SIRT5: variants seen among roughly 807,000 people sequenced by gnomAD.
The protein encoded by SIRT5 is sirtuin 5.
SIRT5 carries 26 observed loss-of-function variants against 40.0 expected under a neutral mutation model. The observed-to-expected ratio is 0.65, with a 90% CI of 0.48 to 0.90. The LOEUF (loss-of-function observed/expected upper bound fraction) is 0.90, where lower values mean the gene tolerates loss of function less well. SIRT5 is among the 40% of genes least tolerant of loss of function. The probability of loss-of-function intolerance (pLI) is 0.00; values close to 1 mark genes in which losing one functional copy is unlikely to be tolerated. For missense variants in SIRT5, 401 were observed against 402.4 expected, an observed-to-expected ratio of 1.00 and a Z score of 0.03; for synonymous variants, 146 against 149.1, an observed-to-expected ratio of 0.98 and a Z score of 0.15.
At chr6:13,578,310 T>A (rs778583020) in intron 1 of SIRT5, among the ~76,000 whole-genome samples, 3 of 152,182 alleles carry the variant, frequency 2.0e-5, no homozygotes, top group Non-Finnish European at 4.4e-5. Context: ...AATACTGGCC[T>A]CCTAAAATGA....
At chr6:13,582,694 C>A (rs1334434104) in intron 2 of SIRT5, among the ~76,000 whole-genome samples, 1 of 151,084 alleles carries the variant, frequency 6.6e-6, no homozygotes, top group Non-Finnish European at 1.5e-5. Context: ...TATTTTCTGC[C>A]CCCACAGTTT....
intron 7 of SIRT5, among the ~76,000 whole-genome samples, chr6:13,597,731 G>A (rs1182377440): frequency 6.6e-6 from 1 of 151,792 alleles, no homozygotes; most frequent in Non-Finnish European, 1.5e-5. Flanking sequence ...TTTTTAGCAG[G>A]GATGAGGTTT....
At chr6:13,574,347 C>G (rs1411993483), upstream of SIRT5, among the ~76,000 whole-genome samples, 1 of 152,086 alleles carries the variant, frequency 6.6e-6, no homozygotes, top group African/African-American at 2.4e-5. Context: ...TCCGCGGCCT[C>G]TCCCGCTCGG....
rs114716154 is a variant in SIRT5 at position 13,610,113 on chromosome 6, C to T, written c.858-1677C>T. ...TCCGGAGTTGCTGGGACTACAAGCTCGTGTCACCACGCATGGTTGTTTTTA... is the reference window on the plus strand; with the variant it reads ...TCCGGAGTTGCTGGGACTACAAGCTTGTGTCACCACGCATGGTTGTTTTTA... On this transcript the variant is annotated intron_variant, in intron 9 of 9. Transcript: ENST00000606117. 2.5e-3 allele frequency among the ~76,000 whole-genome samples: 385 copies of T among 152,226 alleles called. 2 individuals carry two copies. The highest frequency in any genetic ancestry group is 8.5e-3 in the African/African-American group (354 of 41,540).
Position 13,599,141 on chromosome 6 carries a change from G to A in SIRT5, c.727G>A (p.Asp243Asn). ...GGTTGACAGAGAGCTCGCCCACTGT[G>A]ATTTATGTCTAGTGGTGGGTCATGC... Reference protein sequence around the residue: ...EEVDRELAHCDLCLVVGTSSV... With the variant: ...EEVDRELAHCNLCLVVGTSSV... Residue 243 changes from aspartate (D) to asparagine (N), a missense_variant, in exon 8 of 10, where the codon GAT becomes AAT. By Grantham distance (23) the Asp-to-Asn change is conservative (BLOSUM62 1). Coordinates refer to ENST00000606117, the MANE Select transcript of SIRT5 (RefSeq NM_012241.5). The A allele has an allele frequency of 6.2e-7, 1 of 1,613,988 alleles. No individual in the cohort carries two copies. Among genetic ancestry groups the A allele is most frequent in the South Asian group, 1.1e-5 (1 of 91,020 alleles).
intron 4 of SIRT5, among the ~76,000 whole-genome samples, chr6:13,590,166 C>T (rs558262562): frequency 2.0e-5 from 3 of 152,252 alleles, no homozygotes; most frequent in African/African-American, 7.2e-5. Context: ...AAAATGCACC[C>T]ATGTGCATTG....
chr6:13,586,666 C>A (rs1760122346), intron 3 of SIRT5, among the ~76,000 whole-genome samples: 1 of 152,102 alleles, frequency 6.6e-6, no homozygotes, highest in Admixed American at 6.5e-5. Context: ...GCCTATTCTT[C>A]TTCTGAATTC....
In SIRT5 at chr6:13,579,309, A is replaced by G. The variant is rs368461865; in HGVS notation, c.-194-142A>G. 3 of 152,342 alleles carry G rather than the reference A, an allele frequency of 2.0e-5. No homozygotes were observed. In the East Asian group the frequency reaches 5.8e-4, roughly 29 times the overall value. 9.4% of individuals were successfully genotyped at this position (152,342 alleles called of 1,614,324 possible). On this transcript the variant is annotated intron_variant, in intron 1 of 9. Coordinates refer to ENST00000606117, the MANE Select transcript of SIRT5 (RefSeq NM_012241.5). The stretch of plus-strand genomic sequence containing the variant: ...ACTAAGAAAATAGTTTTATGTTATG[A>G]ACATTTACGATCTTGGGAATAATTC...
chr6:13,606,123 A>G (rs1763070118), intron 9 of SIRT5, among the ~76,000 whole-genome samples: 1 of 152,234 alleles, frequency 6.6e-6, no homozygotes, highest in Non-Finnish European at 1.5e-5. Context: ...GTGCTAAGAG[A>G]CTGCACAAAG....
intron 8 of SIRT5, among the ~76,000 whole-genome samples, chr6:13,599,360 G>A (rs1454143052): frequency 6.6e-6 from 1 of 151,986 alleles, no homozygotes; most frequent in Non-Finnish European, 1.5e-5. Context: ...ATAAGAATTT[G>A]TATTAAAATA....
At chr6:13,604,675 G>C (rs1762870558) in intron 9 of SIRT5, 6 of 1,396,392 alleles carry the variant, frequency 4.3e-6, no homozygotes, top group Non-Finnish European at 5.5e-6. Context: ...TATGGTGGCT[G>C]TGTCTTCATG....
chr6:13,607,396 A>T lies in SIRT5; in HGVS notation c.858-4394A>T, dbSNP rs1158135843. On this transcript the variant is annotated intron_variant, in intron 9 of 9. Coordinates refer to ENST00000606117, the MANE Select transcript of SIRT5 (RefSeq NM_012241.5). The surrounding 1 kb of genome is among the most constrained non-coding windows in gnomAD (Gnocchi z 4.0). ...GTCTTCCCCCATCTTTTACACCTAC[A>T]CCTAATTTAACCAAATTATATTTAG... is the stretch of plus-strand genomic sequence containing the variant. Among the ~76,000 whole-genome samples the T allele has an allele frequency of 6.6e-6, 1 of 151,944 alleles. No individual in the cohort carries two copies. The highest frequency in any genetic ancestry group is 2.4e-5 in the African/African-American group (1 of 41,358).
rs565902178 is a variant in SIRT5, at chr6:13,576,543, T to C, written c.-195+1799T>C. 5.3e-5 allele frequency among the ~76,000 whole-genome samples: 8 copies of C among 152,336 alleles called. No individual in the cohort carries two copies. The South Asian group carries it at 1.0e-3, about 20-fold the overall frequency. On this transcript the variant is annotated intron_variant, in intron 1 of 9. Transcript: ENST00000606117. ...GCTGTTGAGTTTTTTGAGTTTCTTA[T>C]ATATTTTAGATAAGAGCCCCTTATC...
intron 9 of SIRT5, among the ~76,000 whole-genome samples, chr6:13,602,431 G>C (rs915358361): frequency 2.0e-5 from 3 of 151,818 alleles, no homozygotes; most frequent in Non-Finnish European, 2.9e-5. Context: ...ACCTGGGAGG[G>C]GGAGGTTGCA....
rs558393256 is a variant in SIRT5 at position 13,604,439 on chromosome 6, TC to T, written c.857+3494del. The T allele has an allele frequency of 4.4e-4, 540 of 1,220,752 alleles. 1 individual carries two copies. In the African/African-American group the frequency reaches 7.0e-3, roughly 16 times the overall value. 75.6% of individuals were successfully genotyped at this position (1,220,752 alleles called of 1,614,324 possible). On this transcript the variant is annotated intron_variant, in intron 9 of 9. Coordinates refer to ENST00000606117, the MANE Select transcript of SIRT5 (RefSeq NM_012241.5). Reference sequence around the variant, plus strand: ...TTTGTGAAGCAGGACCTGAGCTATGTCCCCAGTTTGGTTCTTCTAATGTGGT... The same window carrying T: ...TTTGTGAAGCAGGACCTGAGCTATGTCCCAGTTTGGTTCTTCTAATGTGGT...
At chr6:13,597,842 G>A (rs147697737) in intron 7 of SIRT5, among the ~76,000 whole-genome samples, 8 of 152,106 alleles carry the variant, frequency 5.3e-5, no homozygotes, top group South Asian at 2.1e-4. Context: ...CACTGCACCC[G>A]GCTGGATTAG....
At chr6:13,610,769 G>A (rs930164711) in intron 9 of SIRT5, among the ~76,000 whole-genome samples, 1 of 152,148 alleles carries the variant, frequency 6.6e-6, no homozygotes, top group African/African-American at 2.4e-5. Context: ...GGGGGCAGAC[G>A]GACTGGAGAT....
chr6:13,588,518 A>C, intron 4 of SIRT5, 54 bp downstream of exon 4: 12 of 1,579,252 alleles, frequency 7.6e-6, no homozygotes, highest in Non-Finnish European at 1.0e-5. Flanking sequence ...ACCATAACAG[A>C]GTTTGACTCA....
At chr6:13,595,274 A>G (rs1761417422) in intron 5 of SIRT5, among the ~76,000 whole-genome samples, 1 of 152,190 alleles carries the variant, frequency 6.6e-6, no homozygotes, top group South Asian at 2.1e-4. Flanking sequence ...CTCAGGAGGC[A>G]AAGGTGGGAG....
Sources: allele counts gnomAD v4.1 joint callset (sites outside exome capture counted in the v4.1 genomes callset), GRCh38; gene constraint gnomAD v4.1.1; non-coding constraint Gnocchi (gnomAD v3.1); transcripts MANE v1.5; gene names NCBI Gene and HGNC (gene_info 2026-07-23, HGNC 2026-07-21).